The following CSMD3 variants were observed in gnomAD, a reference collection of about 807,000 sequenced individuals.
The protein encoded by CSMD3 is CUB and sushi domain-containing protein 3.
In CSMD3, 177 loss-of-function variants were observed where a neutral mutation model predicts 435.2. The ratio of observed to expected loss-of-function variants is 0.41; its 90% CI spans 0.36 to 0.46. CSMD3 has a LOEUF of 0.46. Among genes scored for constraint, CSMD3 ranks in the 20% least tolerant of loss-of-function variants. The probability of loss-of-function intolerance (pLI) is 0.34; values close to 1 mark genes in which losing one functional copy is unlikely to be tolerated. For synonymous variants in CSMD3, 1,656 were observed against 1,520.5 expected, an observed-to-expected ratio of 1.09 and a Z score of -2.07; for missense variants, 4,265 against 4,504.6, an observed-to-expected ratio of 0.95 and a Z score of 1.52.
chr8:113,318,425 T>C (rs929944546), intron 1 of CSMD3, among the ~76,000 whole-genome samples: 3 of 152,166 alleles, frequency 2.0e-5, no homozygotes, highest in African/African-American at 7.2e-5. Flanking sequence ...GTTACTTTTT[T>C]GTTTGACAAG....
At chr8:112,323,875 A>AT (rs1200421533) in intron 45 of CSMD3, among the ~76,000 whole-genome samples, 1 of 152,056 alleles carries the variant, frequency 6.6e-6, no homozygotes, top group Non-Finnish European at 1.5e-5. Context: ...AAAATGCCAC[A>AT]TCAAAATATG....
intron 1 of CSMD3, among the ~76,000 whole-genome samples, chr8:113,375,553 T>C (rs2094376889): frequency 1.2e-5 from 1 of 83,742 alleles, no homozygotes; most frequent in Admixed American, 1.1e-4. Context: ...ACACGTGTCA[T>C]GCCGAGGAAA....
intron 3 of CSMD3, among the ~76,000 whole-genome samples, chr8:113,241,715 A>G (rs2093219938): frequency 1.3e-5 from 2 of 151,962 alleles, no homozygotes; most frequent in African/African-American, 2.4e-5. Context: ...AATAGAGGTA[A>G]CACCTAAAGT....
At chr8:113,124,600 T>C (rs2091075593) in intron 4 of CSMD3, among the ~76,000 whole-genome samples, 1 of 151,964 alleles carries the variant, frequency 6.6e-6, no homozygotes, top group African/African-American at 2.4e-5. Flanking sequence ...TTTTTGGTGA[T>C]ATGTTGGATA....
At chr8:112,228,517 A>C (rs75163491) in intron 70 of CSMD3, among the ~76,000 whole-genome samples, 1,693 of 152,332 alleles carry the variant, frequency 0.011, 42 homozygotes, top group African/African-American at 0.038. Context: ...ATTGACAGGC[A>C]AAAGAAAGGT....
intron 5 of CSMD3, among the ~76,000 whole-genome samples, chr8:113,068,116 C>A (rs2088942637): frequency 6.6e-6 from 1 of 152,090 alleles, no homozygotes; most frequent in South Asian, 2.1e-4. Flanking sequence ...AAAAAGAGTT[C>A]TGTATAAAAT....
chr8:112,780,935 T>C (rs1050261164), intron 13 of CSMD3, among the ~76,000 whole-genome samples: 1 of 151,994 alleles, frequency 6.6e-6, no homozygotes, highest in Non-Finnish European at 1.5e-5. Context: ...TGTGCTGGGC[T>C]CAGAGCCAGT....
rs113597384 is a variant in CSMD3, at chr8:112,954,547, T to C, written c.1420+137A>G. ...TAAAATATAAAATATTGAATAATCA[T>C]CATGCATGTTACACAGATATTAATG... On this transcript the variant is annotated intron_variant, in intron 8 of 70. Transcript: ENST00000297405. 1,089 of 630,652 alleles carry C rather than the reference T, an allele frequency of 1.7e-3. 9 individuals carry two copies. Among genetic ancestry groups the C allele is most frequent in the African/African-American group, 0.016 (878 of 54,390 alleles). The allele number at this position is 630,652 out of a possible 1,614,324, so 39.1% of individuals were successfully genotyped here. A position where few individuals can be genotyped will look rare whatever the true frequency, so the allele number is the denominator to read the frequency against.
intron 4 of CSMD3, among the ~76,000 whole-genome samples, chr8:113,105,595 G>A (rs1477109650): frequency 6.6e-6 from 1 of 152,102 alleles, no homozygotes; most frequent in Non-Finnish European, 1.5e-5. Context: ...AGCACACAGG[G>A]CTGAGATTTG....
At chr8:113,058,304 G>A (rs1268773953) in intron 5 of CSMD3, among the ~76,000 whole-genome samples, 1 of 151,888 alleles carries the variant, frequency 6.6e-6, no homozygotes, top group Non-Finnish European at 1.5e-5. Context: ...GTGGGTTGAA[G>A]TAGAACATGA....
At chr8:112,292,416 C>T (rs1819853591) in intron 55 of CSMD3, 121 bp downstream of exon 55, 3 of 894,032 alleles carry the variant, frequency 3.4e-6, no homozygotes, top group South Asian at 1.4e-5. Flanking sequence ...AGTATTAAAG[C>T]TTTTTGTTTT....
Position 112,417,091 on chromosome 8 carries a change from T to A in CSMD3, c.5396-8059A>T, listed in dbSNP as rs199501060. Among the ~76,000 whole-genome samples, 3 of 152,180 alleles carry A rather than the reference T, an allele frequency of 2.0e-5. No homozygotes were observed. In the East Asian group the frequency reaches 5.8e-4, roughly 29 times the overall value. The stretch of plus-strand genomic sequence containing the variant: ...AGCTTGCCAAATGACAAGCCCTCTT[T>A]GTTGCATAGAAGAATGGATGAAGCA... On this transcript the variant is annotated intron_variant, in intron 32 of 70. Coordinates refer to ENST00000297405, the MANE Select transcript of CSMD3 (RefSeq NM_198123.2).
intron 25 of CSMD3, among the ~76,000 whole-genome samples, chr8:112,554,644 C>A (rs1827964284): frequency 6.6e-6 from 1 of 151,802 alleles, no homozygotes. Context: ...TAAAATATTA[C>A]CTGGCATTTT....
chr8:112,712,314 T>A (rs1259062877), intron 13 of CSMD3, among the ~76,000 whole-genome samples: 1 of 152,146 alleles, frequency 6.6e-6, no homozygotes, highest in East Asian at 1.9e-4. Flanking sequence ...TTACTTCAAT[T>A]TGGTAAATGT....
chr8:113,171,769 T>C (rs2092272302), intron 4 of CSMD3, among the ~76,000 whole-genome samples: 2 of 152,204 alleles, frequency 1.3e-5, no homozygotes, highest in South Asian at 2.1e-4. Flanking sequence ...TGAATGCTCA[T>C]GTTTCTGCAT....
chr8:113,025,238 C>T (rs1159225), intron 5 of CSMD3, among the ~76,000 whole-genome samples: 90,752 of 151,834 alleles, frequency 0.6, 28,563 homozygotes, highest in East Asian at 0.95. Flanking sequence ...GTCACCTTTC[C>T]GATTTTATGT....
At chr8:113,103,066 C>A (rs2090375314) in intron 4 of CSMD3, among the ~76,000 whole-genome samples, 1 of 152,086 alleles carries the variant, frequency 6.6e-6, no homozygotes, top group South Asian at 2.1e-4. Context: ...ATTTTTATCT[C>A]ATTATCTTCA....
chr8:113,349,208 C>T (rs2094173221), intron 1 of CSMD3, among the ~76,000 whole-genome samples: 1 of 152,014 alleles, frequency 6.6e-6, no homozygotes, highest in Non-Finnish European at 1.5e-5. Flanking sequence ...CTCCATCTAC[C>T]AGTTTCTAAC....
At chr8:113,036,590 G>T (rs910784213) in intron 5 of CSMD3, among the ~76,000 whole-genome samples, 5 of 152,066 alleles carry the variant, frequency 3.3e-5, no homozygotes, top group Middle Eastern at 3.4e-3. Flanking sequence ...GAAAGGATGT[G>T]GCTGCTAAAT....
Sources: gnomAD v4.1 joint callset for allele counts (sites outside exome capture counted in the v4.1 genomes callset) on GRCh38, gnomAD v4.1.1 for gene constraint, MANE v1.5 for transcripts, NCBI Gene and HGNC (gene_info 2026-07-23, HGNC 2026-07-21) for gene names.